The following SPTY2D1 variants were observed in gnomAD, a reference collection of about 807,000 sequenced individuals.
The protein encoded by SPTY2D1 is protein SPT2 homolog.
Under a neutral mutation model 64.0 loss-of-function variants are expected in SPTY2D1, and 21 were observed. The observed-to-expected ratio is 0.33, with a 90% CI of 0.23 to 0.47. SPTY2D1 has a LOEUF of 0.47. Ranked by LOEUF, SPTY2D1 falls within the 20% of genes least tolerant of loss-of-function variation. The pLI, the probability that SPTY2D1 is intolerant of heterozygous loss-of-function variation, is 1.00. For missense variants in SPTY2D1, 724 were observed against 837.2 expected (o/e 0.86, Z 1.67); for synonymous variants, 287 against 286.8 (o/e 1.00, Z -0.01).
Position 18,630,373 on chromosome 11 carries a change from G to A in SPTY2D1, c.60+3825C>T, listed in dbSNP as rs574201432. 5.8e-4 allele frequency among the ~76,000 whole-genome samples: 89 copies of A among 152,220 alleles called. 3 individuals carry two copies. In the South Asian group the frequency reaches 0.018, roughly 30 times the overall value. ...GCCTGTAATCCCAGCTACTTGGGAG[G>A]CTGAGGCAGGAGAATCGCTTGAACC... On this transcript the variant is annotated intron_variant, in intron 1 of 5. Transcript: ENST00000336349.
At chr11:18,611,390 C>T in intron 5 of SPTY2D1, 87 bp downstream of exon 5, 5 of 1,233,240 alleles carry the variant, frequency 4.1e-6, no homozygotes, top group Non-Finnish European at 5.9e-6. Context: ...GGCCCAAAGC[C>T]CCAGTTCCCA....
chr11:18,617,447 A>C (rs1016859428), intron 1 of SPTY2D1, among the ~76,000 whole-genome samples: 9 of 152,084 alleles, frequency 5.9e-5, no homozygotes, highest in African/African-American at 2.2e-4. Context: ...CAACATGGTG[A>C]AACCCCATTC....
intron 1 of SPTY2D1, among the ~76,000 whole-genome samples, chr11:18,628,415 G>C (rs186846069): frequency 6.6e-6 from 1 of 152,316 alleles, no homozygotes; most frequent in East Asian, 1.9e-4. Flanking sequence ...ATCAGACCTT[G>C]CTATCAAAAG....
rs1854280188 is a variant in SPTY2D1 at position 18,615,360 on chromosome 11, T to C, written c.914A>G (p.Asp305Gly). 2 of 1,614,064 alleles carry C rather than the reference T, an allele frequency of 1.2e-6. No individual in the cohort carries two copies. The highest frequency in any genetic ancestry group is 1.1e-5 in the South Asian group (1 of 91,084). ...TCCAGCTCCATTAAAAACAGGTTTG[T>C]CGTGGCCCTCACGAAGTGAGGGTTG... Reference protein sequence around the residue: ...SSQPSLREGHDKPVFNGAGKP... With the variant: ...SSQPSLREGHGKPVFNGAGKP... The change falls in exon 3 of 6, where the codon GAC (aspartate) becomes GGC (glycine). Residue 305 changes from aspartate to glycine, a missense_variant. Physicochemically the swap from Asp to Gly is moderately conservative, Grantham distance 94. Around this residue, in one of 3 missense-constraint regions of SPTY2D1, gnomAD observed 426 missense variants for 431.8 expected, o/e 0.99. Transcript: ENST00000336349.
chr11:18,612,289 T>A lies in SPTY2D1; in HGVS notation c.1886+25A>T, dbSNP rs371961217. The A allele has an allele frequency of 9.6e-6, 15 of 1,555,452 alleles. No individual in the cohort carries two copies. Among genetic ancestry groups the A allele is most frequent in the Non-Finnish European group, 1.3e-5 (15 of 1,152,290 alleles). On this transcript the variant is annotated intron_variant, in intron 4 of 5. Coordinates refer to ENST00000336349, the MANE Select transcript of SPTY2D1 (RefSeq NM_194285.3). The surrounding 1 kb of genome is among the most constrained non-coding windows in gnomAD (Gnocchi z 4.6). Reference sequence around the variant, plus strand: ...TCAAAATAAAAAAAGGATGTCATAGTTATCTGAATCTTCTTTAGTCTTACT... The same window carrying A: ...TCAAAATAAAAAAAGGATGTCATAGATATCTGAATCTTCTTTAGTCTTACT...
At position 18,615,878 on chromosome 11, in the gene SPTY2D1, G is replaced by A. The variant is rs374022129; in HGVS notation, c.396C>T (p.Leu132=). 7 of 1,613,848 alleles carry A rather than the reference G, an allele frequency of 4.3e-6. No homozygotes were observed. The Admixed American group carries it at 5.0e-5, about 12-fold the overall frequency. Residue 132 remains leucine (L), a synonymous_variant, in exon 3 of 6, where the codon CTC becomes CTT. Transcript: ENST00000336349. ...GCTCTGACTCTGCGTGATTGTACTCGAGGAATTCATTCTCTTCTTCCATTT... is the reference window on the plus strand; with the variant it reads ...GCTCTGACTCTGCGTGATTGTACTCAAGGAATTCATTCTCTTCTTCCATTT... The part of the protein sequence containing the change: ...EYEMEEENEF[L]EYNHAESEQE...
In SPTY2D1 at chr11:18,607,977, G is replaced by A. The variant is rs1854136272; in HGVS notation, c.*1884C>T. The A allele has an allele frequency of 6.6e-6, 1 of 152,266 alleles. No individual in the cohort carries two copies. Among genetic ancestry groups the A allele is most frequent in the Non-Finnish European group, 1.5e-5 (1 of 68,026 alleles). 9.4% of individuals were successfully genotyped at this position (152,266 alleles called of 1,614,324 possible). A position where few individuals can be genotyped will look rare whatever the true frequency, so the allele number is the denominator to read the frequency against. On this transcript the variant is annotated 3_prime_UTR_variant, in exon 6 of 6. Transcript: ENST00000336349. ...CTTGATTGTAATGACAGATTTCAGA[G>A]TCTGAATACTGAAAAATATATATAT...
At chr11:18,629,174 T>A (rs1319019110) in intron 1 of SPTY2D1, among the ~76,000 whole-genome samples, 1 of 152,186 alleles carries the variant, frequency 6.6e-6, no homozygotes, top group Admixed American at 6.5e-5. Flanking sequence ...AAAGACCATA[T>A]AAGTTGGCTT....
At chr11:18,619,925 G>A (rs1053841251) in intron 1 of SPTY2D1, among the ~76,000 whole-genome samples, 4 of 152,112 alleles carry the variant, frequency 2.6e-5, no homozygotes, top group Non-Finnish European at 5.9e-5. Context: ...AAATAACCCA[G>A]CATTGAGCAC....
At chr11:18,613,304 A>C (rs1347651265) in intron 3 of SPTY2D1, among the ~76,000 whole-genome samples, 1 of 152,252 alleles carries the variant, frequency 6.6e-6, no homozygotes, top group African/African-American at 2.4e-5. Flanking sequence ...AAGACTGATA[A>C]AAACTTTGCA....
At chr11:18,630,238 A>C (rs1228620659) in intron 1 of SPTY2D1, among the ~76,000 whole-genome samples, 1 of 151,928 alleles carries the variant, frequency 6.6e-6, no homozygotes, top group Non-Finnish European at 1.5e-5. Flanking sequence ...GCACTTTGGG[A>C]GGCCGAGGCA....
chr11:18,617,461 C>T (rs1171044360), intron 1 of SPTY2D1, among the ~76,000 whole-genome samples: 3 of 151,818 alleles, frequency 2.0e-5, no homozygotes, highest in Non-Finnish European at 4.4e-5. Context: ...CCCATTCCTA[C>T]TAAAAACACA....
chr11:18,622,100 A>AAAAAAAAAAAAAAAC (rs1854417961), intron 1 of SPTY2D1, among the ~76,000 whole-genome samples: 1 of 148,214 alleles, frequency 6.7e-6, no homozygotes, highest in African/African-American at 2.5e-5. Flanking sequence ...AAAAAAAAAA[A>AAAAAAAAAAAAAAAC]AAAACCAAAA....
In SPTY2D1 at chr11:18,612,827, C is replaced by T. The variant is rs973530702; in HGVS notation, c.1712-339G>A. ...TTGCCTAGGCTGGAGTGCAATGGTG[C>T]GATCTCGGCTCACTGCAACCTCTGC... On this transcript the variant is annotated intron_variant, in intron 3 of 5. Coordinates refer to ENST00000336349, the MANE Select transcript of SPTY2D1 (RefSeq NM_194285.3). This position sits in a 1 kb window ranked among gnomAD's most constrained non-coding sequence, Gnocchi z 4.6. 1.3e-5 allele frequency among the ~76,000 whole-genome samples: 2 copies of T among 150,690 alleles called. No homozygotes were observed. Among genetic ancestry groups the T allele is most frequent in the South Asian group, 2.1e-4 (1 of 4,796 alleles).
rs1854227917 is a variant in SPTY2D1 at position 18,612,792 on chromosome 11, G to GCTTGTTTTT, written c.1712-305_1712-304insAAAAACAAG. Among the ~76,000 whole-genome samples, 1 of 149,968 alleles carries GCTTGTTTTT rather than the reference G, an allele frequency of 6.7e-6. No individual in the cohort carries two copies. Among genetic ancestry groups the GCTTGTTTTT allele is most frequent in the East Asian group, 1.9e-4 (1 of 5,140 alleles). Reference sequence around the variant, plus strand: ...TTCTTTTTTTTTTTTTTGAGACAGAGTTTCACTTGTTGCCTAGGCTGGAGT... The same window carrying GCTTGTTTTT: ...TTCTTTTTTTTTTTTTTGAGACAGAGCTTGTTTTTTTTCACTTGTTGCCTAGGCTGGAGT... On this transcript the variant is annotated intron_variant, in intron 3 of 5. Transcript: ENST00000336349. The surrounding 1 kb of genome is among the most constrained non-coding windows in gnomAD (Gnocchi z 4.6).
chr11:18,614,522 A>C (rs369809180), intron 3 of SPTY2D1, 41 bp downstream of exon 3: 20 of 1,542,848 alleles, frequency 1.3e-5, no homozygotes, highest in Non-Finnish European at 1.8e-5. Flanking sequence ...CCAATTTCCT[A>C]ATGACAAATA....
chr11:18,628,279 G>C (rs1227030687), intron 1 of SPTY2D1, among the ~76,000 whole-genome samples: 1 of 152,168 alleles, frequency 6.6e-6, no homozygotes, highest in Non-Finnish European at 1.5e-5. Context: ...TGGCTATTAT[G>C]AATAATGCTG....
At chr11:18,610,195 A>G (rs1333871127) in intron 5 of SPTY2D1, 2 of 416,122 alleles carry the variant, frequency 4.8e-6, no homozygotes, top group African/African-American at 4.1e-5. Context: ...CATTAAAATA[A>G]TAAAATATAG....
At position 18,634,205 on chromosome 11, in the gene SPTY2D1, T is replaced by C. The variant is rs747538321; in HGVS notation, c.53A>G (p.Asn18Ser). 28 of 1,614,024 alleles carry C rather than the reference T, an allele frequency of 1.7e-5. No individual in the cohort carries two copies. In the East Asian group the frequency reaches 1.8e-4, roughly 10 times the overall value. Residue 18 changes from asparagine (N) to serine (S), a missense_variant, in exon 1 of 6, where the codon AAT becomes AGT. This residue lies in a region of SPTY2D1 where 179 missense variants were observed against 232.5 expected (regional missense o/e 0.77). Coordinates refer to ENST00000336349, the MANE Select transcript of SPTY2D1 (RefSeq NM_194285.3). Reference protein sequence around the residue: ...MIASKGQGVNNVPKRYSLAVG... With the variant: ...MIASKGQGVNSVPKRYSLAVG... ...GCCCCAGCTGCTACTTACCGGCACA[T>C]TGTTGACACCTTGTCCCTTGGAAGC...
Sources: gnomAD v4.1 joint callset for allele counts (sites outside exome capture counted in the v4.1 genomes callset) on GRCh38, gnomAD v4.1.1 for gene constraint, gnomAD v4.1.1 regional missense constraint, Gnocchi (gnomAD v3.1) non-coding constraint, MANE v1.5 for transcripts, NCBI Gene and HGNC (gene_info 2026-07-23, HGNC 2026-07-21) for gene names.